Variants in SLC22A25 observed in about 807,000 individuals in gnomAD.
SLC22A25 encodes the protein MGI:2442751, MGI:2385316, MGI:3042283, MGI:3645714, MGI:3605624, MGI:2442750.
A neutral mutation model predicts 45.9 loss-of-function variants in SLC22A25; 44 were observed. The observed-to-expected ratio is 0.96, with a 90% CI of 0.75 to 1.23. The LOEUF is 1.23. Among genes scored for constraint, SLC22A25 ranks in the 50% most tolerant of loss-of-function variants. The pLI, the probability that SLC22A25 is intolerant of heterozygous loss-of-function variation, is 0.00. For missense variants in SLC22A25, 800 were observed against 666.4 expected (o/e 1.20, Z -2.21); for synonymous variants, 283 against 238.6 (o/e 1.19, Z -1.72).
intron 9 of SLC22A25, among the ~76,000 whole-genome samples, chr11:63,175,064 T>C (rs1198706118): frequency 6.6e-6 from 1 of 152,128 alleles, no homozygotes; most frequent in Non-Finnish European, 1.5e-5. Flanking sequence ...TTGGCAATTA[T>C]GAATAATGTT....
Position 63,232,210 on chromosome 11 carries a change from A to C in SLC22A25, c.-444-2114T>G, listed in dbSNP as rs894862721. ...TTGATGGGGATGGCATTGAATCTAT[A>C]AAAGACCTTGGGCAGTATGGCCATT... On this transcript the variant is annotated intron_variant, in intron 3 of 11. Coordinates refer to ENST00000306494, the MANE Select transcript of SLC22A25 (RefSeq NM_199352.6). 4.4e-4 allele frequency among the ~76,000 whole-genome samples: 67 copies of C among 152,334 alleles called. 3 individuals are homozygous for C. The highest frequency in any genetic ancestry group is 2.3e-3 in the East Asian group (12 of 5,194).
In SLC22A25 at chr11:63,228,695, T is replaced by C. The variant is rs147791850; in HGVS notation, c.403-131A>G. On this transcript the variant is annotated intron_variant, in intron 4 of 11. Transcript: ENST00000306494. ...CTTCCCTTTTCTGCATTACCTGATA[T>C]TCACTGTTCAGGTCTCAACTTAAGC... is the stretch of plus-strand genomic sequence containing the variant. 1.5e-3 allele frequency: 950 copies of C among 645,628 alleles called. 14 individuals carry two copies. The highest frequency in any genetic ancestry group is 2.3e-4 in the Non-Finnish European group (88 of 376,186). 40.0% of individuals were successfully genotyped at this position (645,628 alleles called of 1,614,324 possible). A position where few individuals can be genotyped will look rare whatever the true frequency, so the allele number is the denominator to read the frequency against.
intron 7 of SLC22A25, among the ~76,000 whole-genome samples, chr11:63,216,480 C>T (rs541422325): frequency 6.6e-6 from 1 of 152,228 alleles, no homozygotes; most frequent in African/African-American, 2.4e-5. Context: ...CCTAAATGCC[C>T]ATCAGTGATA....
intron 5 of SLC22A25, among the ~76,000 whole-genome samples, chr11:63,222,394 G>T (rs1412518090): frequency 1.3e-5 from 2 of 151,912 alleles, no homozygotes; most frequent in Admixed American, 1.3e-4. Flanking sequence ...TTGTAAATGG[G>T]GTTACTTTCT....
At position 63,238,880 on chromosome 11, in the gene SLC22A25, C is replaced by A; in HGVS notation, c.-740G>T. 8.3e-6 allele frequency: 2 copies of A among 241,524 alleles called. No homozygotes were observed. Among genetic ancestry groups the A allele is most frequent in the South Asian group, 1.5e-4 (2 of 13,306 alleles). 15.0% of individuals were successfully genotyped at this position (241,524 alleles called of 1,614,324 possible). A position where few individuals can be genotyped will look rare whatever the true frequency, so the allele number is the denominator to read the frequency against. ...CGTTTCTGTGGCCTCAGGTTTGAGT[C>A]CAGTGAGATAGAGATTCTCAGGAGG... is the stretch of plus-strand genomic sequence containing the variant. On this transcript the variant is annotated 5_prime_UTR_variant, in exon 2 of 12. Coordinates refer to ENST00000306494, the MANE Select transcript of SLC22A25 (RefSeq NM_199352.6).
intron 7 of SLC22A25, among the ~76,000 whole-genome samples, chr11:63,209,663 G>T (rs2089505127): frequency 6.6e-6 from 1 of 152,094 alleles, no homozygotes; most frequent in Non-Finnish European, 1.5e-5. Context: ...GTGGCTCTAG[G>T]GTTTACGTTT....
At chr11:63,166,433 G>A in intron 9 of SLC22A25, 175 bp from the exon 10 acceptor site, 2 of 1,426,896 alleles carry the variant, frequency 1.4e-6, no homozygotes, top group South Asian at 1.5e-5. Context: ...ATAATGGTTA[G>A]ATGATAGTGG....
chr11:63,192,236 T>G (rs1319576101), intron 7 of SLC22A25, among the ~76,000 whole-genome samples: 1 of 152,138 alleles, frequency 6.6e-6, no homozygotes, highest in African/African-American at 2.4e-5. Flanking sequence ...TTGGCCAAAC[T>G]AAGCTTCAGA....
At chr11:63,170,189 C>G (rs1239913693) in intron 9 of SLC22A25, among the ~76,000 whole-genome samples, 1 of 152,130 alleles carries the variant, frequency 6.6e-6, no homozygotes, top group African/African-American at 2.4e-5. Context: ...TTTTACAGCA[C>G]TAAGTGCCCA....
intron 7 of SLC22A25, among the ~76,000 whole-genome samples, chr11:63,190,662 C>T (rs781083522): frequency 1.1e-4 from 16 of 151,932 alleles, no homozygotes; most frequent in Non-Finnish European, 1.9e-4. Context: ...TCTGTTTTTT[C>T]CCCATCTCTG....
intron 9 of SLC22A25, among the ~76,000 whole-genome samples, chr11:63,173,201 C>T (rs1274437425): frequency 1.4e-5 from 2 of 140,796 alleles, no homozygotes; most frequent in East Asian, 4.4e-4. Context: ...GGAGACATCA[C>T]ACACTGGGGC....
chr11:63,229,693 T>C lies in SLC22A25; in HGVS notation c.-41A>G. On this transcript the variant is annotated 5_prime_UTR_variant, in exon 4 of 12. Coordinates refer to ENST00000306494, the MANE Select transcript of SLC22A25 (RefSeq NM_199352.6). ...GATCCCCAAGAGGAGACAAAATGAC[T>C]GTATCCAGATAAGTTCAAAGAGAAA... 6.4e-7 allele frequency: 1 copy of C among 1,567,744 alleles called. No individual in the cohort carries two copies. The highest frequency in any genetic ancestry group is 8.7e-7 in the Non-Finnish European group (1 of 1,149,410).
chr11:63,194,323 GA>G (rs1229156957), intron 7 of SLC22A25, among the ~76,000 whole-genome samples: 2 of 152,068 alleles, frequency 1.3e-5, no homozygotes, highest in Non-Finnish European at 2.9e-5. Flanking sequence ...ACGCCACAAA[GA>G]TACTCCTCAA....
At chr11:63,182,032 C>T (rs559830399) in intron 8 of SLC22A25, among the ~76,000 whole-genome samples, 2 of 152,148 alleles carry the variant, frequency 1.3e-5, no homozygotes, top group East Asian at 3.9e-4. Context: ...AGTGGATTTG[C>T]TTTAGGCTAG....
At chr11:63,198,007 A>T (rs1302172297) in intron 7 of SLC22A25, among the ~76,000 whole-genome samples, 1 of 152,228 alleles carries the variant, frequency 6.6e-6, no homozygotes, top group African/African-American at 2.4e-5. Flanking sequence ...GAGAAATGCA[A>T]ATCAAAACCA....
chr11:63,223,473 C>T (rs1565119314), intron 5 of SLC22A25, among the ~76,000 whole-genome samples: 2 of 151,998 alleles, frequency 1.3e-5, no homozygotes, highest in African/African-American at 4.8e-5. Context: ...TGTAATGTCT[C>T]TTTTTTCCAT....
chr11:63,206,466 A>G (rs1266194970), intron 7 of SLC22A25, among the ~76,000 whole-genome samples: 1 of 152,228 alleles, frequency 6.6e-6, no homozygotes, highest in African/African-American at 2.4e-5. Flanking sequence ...ATGTGCAAAA[A>G]TCACAAGCAT....
At chr11:63,198,053 T>A (rs1300130645) in intron 7 of SLC22A25, among the ~76,000 whole-genome samples, 1 of 152,088 alleles carries the variant, frequency 6.6e-6, no homozygotes, top group African/African-American at 2.4e-5. Context: ...AGAAAGGCGA[T>A]CATTAAAAAG....
rs575035187 is a variant in SLC22A25 at position 63,233,271 on chromosome 11, A to T, written c.-444-3175T>A. ...TGTGAACCCATCTGGTCCTGGACTT[A>T]TTTTGGTTGGTAAGCTATAAATTAT... On this transcript the variant is annotated intron_variant, in intron 3 of 11. Transcript: ENST00000306494. Among the ~76,000 whole-genome samples, 14 of 151,968 alleles carry T rather than the reference A, an allele frequency of 9.2e-5. No individual in the cohort carries two copies. The South Asian group carries it at 2.7e-3, about 29-fold the overall frequency.
Sources: gnomAD v4.1 joint callset for allele counts (sites outside exome capture counted in the v4.1 genomes callset) on GRCh38, gnomAD v4.1.1 for gene constraint, MANE v1.5 for transcripts, NCBI Gene and HGNC (gene_info 2026-07-23, HGNC 2026-07-21) for gene names.